GRAMD4: variants seen among roughly 807,000 people sequenced by gnomAD.
GRAMD4 encodes GRAM domain containing 4.
A neutral mutation model predicts 83.9 loss-of-function variants in GRAMD4; 25 were observed. That is an observed-to-expected ratio of 0.30 (90% confidence interval 0.22 to 0.42). The LOEUF (loss-of-function observed/expected upper bound fraction) is 0.42, where lower values mean the gene tolerates loss of function less well. Among genes scored for constraint, GRAMD4 ranks in the 10% least tolerant of loss-of-function variants. The pLI, the probability that GRAMD4 is intolerant of heterozygous loss-of-function variation, is 1.00. For synonymous variants in GRAMD4, 336 were observed against 320.9 expected (o/e 1.05, Z -0.50); for missense variants, 593 against 788.7 (o/e 0.75, Z 2.97).
chr22:46,583,938 T>C (rs2081122257), intron 1 of GRAMD4, among the ~76,000 whole-genome samples: 1 of 152,216 alleles, frequency 6.6e-6, no homozygotes, highest in South Asian at 2.1e-4. Context: ...GTCACTGATG[T>C]GGCCTTCTTC....
chr22:46,614,738 T>C (rs1469117378), intron 1 of GRAMD4, among the ~76,000 whole-genome samples: 1 of 152,080 alleles, frequency 6.6e-6, no homozygotes, highest in Non-Finnish European at 1.5e-5. Flanking sequence ...GTAGTAAACA[T>C]AGGACATGTG....
At chr22:46,674,287 C>T (rs889789203) in intron 15 of GRAMD4, among the ~76,000 whole-genome samples, 4 of 152,202 alleles carry the variant, frequency 2.6e-5, no homozygotes, top group East Asian at 1.9e-4. Context: ...GAGGCAGCTG[C>T]GGAGAACGGA....
chr22:46,623,872 C>G (rs956157181), intron 1 of GRAMD4, among the ~76,000 whole-genome samples: 1 of 151,684 alleles, frequency 6.6e-6, no homozygotes, highest in African/African-American at 2.4e-5. Flanking sequence ...ACCTCCACCT[C>G]CCGGGTTCAA....
chr22:46,584,551 C>G (rs2081129385), intron 1 of GRAMD4, among the ~76,000 whole-genome samples: 1 of 152,148 alleles, frequency 6.6e-6, no homozygotes, highest in African/African-American at 2.4e-5. Context: ...CACACATCTA[C>G]TTAATTGTTA....
Position 46,610,519 on chromosome 22 carries a change from G to A in GRAMD4, c.-49-16232G>A, listed in dbSNP as rs555398874. 2.6e-5 allele frequency among the ~76,000 whole-genome samples: 4 copies of A among 152,356 alleles called. No individual in the cohort carries two copies. In the East Asian group the frequency reaches 7.7e-4, roughly 29 times the overall value. ...GCCTGCTGGGCTGAAGGTGTTCACC[G>A]CCCGGCCTCTCACAGACTGGGCTTG... is the stretch of plus-strand genomic sequence containing the variant. On this transcript the variant is annotated intron_variant, in intron 1 of 1. Transcript: ENST00000431155.
chr22:46,663,290 G>A (rs192064350), intron 6 of GRAMD4, 118 bp downstream of exon 6: 7 of 1,003,198 alleles, frequency 7.0e-6, no homozygotes, highest in African/African-American at 6.4e-5. Context: ...TGAGGCTGCC[G>A]AGAGCTCCTG....
intron 4 of GRAMD4, among the ~76,000 whole-genome samples, chr22:46,660,882 C>T (rs1474268199): frequency 2.6e-5 from 4 of 152,212 alleles, no homozygotes; most frequent in Non-Finnish European, 2.9e-5. Flanking sequence ...GCTGGAGGGG[C>T]TGGGTGTGGG....
In GRAMD4 at chr22:46,603,513, CTCTTTTTTT is replaced by C. The variant is rs2081334631; in HGVS notation, c.-49-23236_-49-23228del. ...CATGAGCCACCGCGCCCGGCCTCTT[CTCTTTTTTT>C]TTTTTTTTTTTTGAGATGGAGTCTC... On this transcript the variant is annotated intron_variant, in intron 1 of 1. Transcript: ENST00000431155. Among the ~76,000 whole-genome samples the C allele has an allele frequency of 4.0e-4, 42 of 106,010 alleles. 2 individuals are homozygous for C. The highest frequency in any genetic ancestry group is 1.4e-3 in the African/African-American group (38 of 27,528). 69.5% of individuals were successfully genotyped at this position (106,010 alleles called of 152,430 possible).
intron 1 of GRAMD4, among the ~76,000 whole-genome samples, chr22:46,579,285 C>G (rs943000677): frequency 1.3e-5 from 2 of 152,196 alleles, no homozygotes; most frequent in African/African-American, 2.4e-5. Flanking sequence ...CTGTGGAGCC[C>G]GGCGCCGGCG....
chr22:46,658,775 C>T (rs1283031437), intron 4 of GRAMD4, among the ~76,000 whole-genome samples: 1 of 151,984 alleles, frequency 6.6e-6, no homozygotes, highest in Non-Finnish European at 1.5e-5. Flanking sequence ...TTCCCATGCC[C>T]CCTGTCTGCC....
intron 1 of GRAMD4, among the ~76,000 whole-genome samples, chr22:46,615,358 T>C (rs371761719): frequency 6.8e-5 from 1 of 14,690 alleles, no homozygotes; most frequent in Non-Finnish European, 1.7e-4. Context: ...TTCCCCTGTG[T>C]GTGCAGGTTC....
chr22:46,610,215 G>A (rs1437946584), intron 1 of GRAMD4, among the ~76,000 whole-genome samples: 3 of 152,214 alleles, frequency 2.0e-5, no homozygotes, highest in Non-Finnish European at 2.9e-5. Context: ...TCTGTGATGC[G>A]CGGGCCACTT....
intron 3 of GRAMD4, among the ~76,000 whole-genome samples, chr22:46,643,575 G>A (rs896909583): frequency 2.6e-5 from 4 of 152,180 alleles, no homozygotes; most frequent in Non-Finnish European, 4.4e-5. Context: ...GTCTAGTAAT[G>A]TCCTTTGTAG....
Position 46,679,090 on chromosome 22 carries a change from C to T in GRAMD4, c.*1839C>T. On this transcript the variant is annotated 3_prime_UTR_variant, in exon 19 of 19. Transcript: ENST00000406902. ...TGAGGCAACACAGGGTGGGCACTGA[C>T]CCACCCCCAGGGGCGGCTGCAGAGG... 1 of 985,568 alleles carries T rather than the reference C, an allele frequency of 1.0e-6. No individual in the cohort carries two copies. The highest frequency in any genetic ancestry group is 1.2e-6 in the Non-Finnish European group (1 of 829,978). The allele number at this position is 985,568 out of a possible 1,614,324, so 61.1% of individuals were successfully genotyped here.
chr22:46,670,101 G>T (rs2082479648), intron 13 of GRAMD4, among the ~76,000 whole-genome samples: 1 of 152,234 alleles, frequency 6.6e-6, no homozygotes, highest in Non-Finnish European at 1.5e-5. Flanking sequence ...CCGTGCCGGA[G>T]TCGGGAGGTC....
chr22:46,579,592 G>C (rs1311996543), intron 1 of GRAMD4, among the ~76,000 whole-genome samples: 1 of 152,172 alleles, frequency 6.6e-6, no homozygotes. Context: ...CCTGTTATGG[G>C]AGAACCTGGG....
At chr22:46,649,393 C>T (rs1328360903) in intron 3 of GRAMD4, among the ~76,000 whole-genome samples, 1 of 152,178 alleles carries the variant, frequency 6.6e-6, no homozygotes, top group African/African-American at 2.4e-5. Flanking sequence ...CGTGCTGGGC[C>T]GGAGCCCCAG....
chr22:46,634,277 C>T (rs1308560515), intron 2 of GRAMD4, among the ~76,000 whole-genome samples: 1 of 152,122 alleles, frequency 6.6e-6, no homozygotes, highest in East Asian at 1.9e-4. Flanking sequence ...CTGTCTCTGA[C>T]CTTGCCTTGC....
chr22:46,592,447 C>CAA lies in GRAMD4; in HGVS notation c.-50+15170_-50+15171dup, dbSNP rs60938161. On this transcript the variant is annotated intron_variant, in intron 1 of 1. Coordinates refer to the GRAMD4 transcript ENST00000431155. ...AAACATAGGGAGGAGGCCCTGTTTC[C>CAA]AAAAAAAAAAAAAAGGATGAAGTGG... Among the ~76,000 whole-genome samples, 65 of 107,790 alleles carry CAA rather than the reference C, an allele frequency of 6.0e-4. 1 individual carries two copies. The highest frequency in any genetic ancestry group is 2.0e-3 in the African/African-American group (60 of 30,192). 70.7% of individuals were successfully genotyped at this position (107,790 alleles called of 152,430 possible). A position where few individuals can be genotyped will look rare whatever the true frequency, so the allele number is the denominator to read the frequency against.
Sources: allele counts gnomAD v4.1 joint callset (sites outside exome capture counted in the v4.1 genomes callset), GRCh38; gene constraint gnomAD v4.1.1; transcripts MANE v1.5; gene names NCBI Gene and HGNC (gene_info 2026-07-23, HGNC 2026-07-21).